Variants in COL13A1 observed in about 807,000 individuals in gnomAD.
The protein encoded by COL13A1 is collagen type XIII alpha 1 chain.
COL13A1 carries 89 observed loss-of-function variants against 130.9 expected under a neutral mutation model. The ratio of observed to expected loss-of-function variants is 0.68; its 90% CI spans 0.57 to 0.81. The LOEUF (loss-of-function observed/expected upper bound fraction) is 0.81. Ranked by LOEUF, COL13A1 falls within the 30% of genes least tolerant of loss-of-function variation. The pLI is 0.00. For missense variants in COL13A1, 879 were observed against 934.6 expected, an observed-to-expected ratio of 0.94 and a Z score of 0.78; for synonymous variants, 402 against 341.6, an observed-to-expected ratio of 1.18 and a Z score of -1.95.
chr10:69,822,760 C>T (rs1846429826), intron 2 of COL13A1, among the ~76,000 whole-genome samples: 1 of 152,206 alleles, frequency 6.6e-6, no homozygotes, highest in East Asian at 1.9e-4. Context: ...GTCAAAGGGA[C>T]CATCAGCCCC....
intron 17 of COL13A1, among the ~76,000 whole-genome samples, chr10:69,906,919 T>C (rs1363749000): frequency 6.6e-6 from 1 of 151,936 alleles, no homozygotes; most frequent in Admixed American, 6.6e-5. Context: ...TTAGTAGAGA[T>C]GGGGTTTCAC....
At chr10:69,915,421 G>T (rs988439757) in intron 17 of COL13A1, among the ~76,000 whole-genome samples, 1 of 152,218 alleles carries the variant, frequency 6.6e-6, no homozygotes, top group African/African-American at 2.4e-5. Context: ...CTGAGAGAGG[G>T]CTCTGGCATT....
rs534884510 is a variant in COL13A1 at position 69,926,498 on chromosome 10, C to T, written c.1399-589C>T. ...AACCAAACTATGTCTCCAGACATGA[C>T]CAGTTATCCCTTGGGGGAAGAAATT... On this transcript the variant is annotated intron_variant, in intron 26 of 40. Coordinates refer to ENST00000645393, the MANE Select transcript of COL13A1 (RefSeq NM_001368882.1). Among the ~76,000 whole-genome samples the T allele has an allele frequency of 4.6e-5, 7 of 151,992 alleles. No homozygotes were observed. The East Asian group carries it at 5.8e-4, about 13-fold the overall frequency.
chr10:69,811,666 G>A (rs1236217875), intron 1 of COL13A1, among the ~76,000 whole-genome samples: 2 of 152,104 alleles, frequency 1.3e-5, no homozygotes, highest in African/African-American at 4.8e-5. Context: ...ATTTCCTACA[G>A]CAGCCTTGGT....
chr10:69,858,116 A>AAAAAAC (rs1856977800), intron 2 of COL13A1, among the ~76,000 whole-genome samples: 1 of 17,702 alleles, frequency 5.6e-5, no homozygotes, highest in Non-Finnish European at 2.5e-4. Flanking sequence ...ACTCCGTCTC[A>AAAAAAC]AAAAAAAAAA....
chr10:69,862,919 CA>C (rs1337752495), intron 2 of COL13A1, among the ~76,000 whole-genome samples: 1 of 152,312 alleles, frequency 6.6e-6, no homozygotes, highest in East Asian at 1.9e-4. Flanking sequence ...AGATGAATAA[CA>C]GACAAATTAC....
intron 2 of COL13A1, among the ~76,000 whole-genome samples, chr10:69,864,006 C>T (rs1048139340): frequency 6.6e-6 from 1 of 151,902 alleles, no homozygotes; most frequent in Non-Finnish European, 1.5e-5. Context: ...GAGGCTGAGG[C>T]TGTAGTGAGC....
chr10:69,918,189 T>C lies in COL13A1; in HGVS notation c.967-96T>C, dbSNP rs142777509. Reference sequence around the variant, plus strand: ...TGGGAGGAGTGAGCGGTCCTCCTTCTCATCACACCATGGGGAGGCTGTCCA... The same window carrying C: ...TGGGAGGAGTGAGCGGTCCTCCTTCCCATCACACCATGGGGAGGCTGTCCA... On this transcript the variant is annotated intron_variant, in intron 18 of 40. Coordinates refer to ENST00000645393, the MANE Select transcript of COL13A1 (RefSeq NM_001368882.1). 1,152 of 1,121,704 alleles carry C rather than the reference T, an allele frequency of 1.0e-3. 6 individuals are homozygous for C. In the African/African-American group the frequency reaches 0.016, roughly 15 times the overall value. The allele number at this position is 1,121,704 out of a possible 1,614,324, so 69.5% of individuals were successfully genotyped here.
chr10:69,848,798 G>T (rs1172076944), intron 2 of COL13A1, among the ~76,000 whole-genome samples: 1 of 152,178 alleles, frequency 6.6e-6, no homozygotes, highest in Non-Finnish European at 1.5e-5. Flanking sequence ...TGGTGCCAAG[G>T]GGGTCACTTA....
At chr10:69,924,537 G>T (rs565021847) in intron 24 of COL13A1, among the ~76,000 whole-genome samples, 1 of 151,354 alleles carries the variant, frequency 6.6e-6, no homozygotes, top group Admixed American at 6.6e-5. Flanking sequence ...AGTAGAGTAG[G>T]CAGCAAAAGA....
chr10:69,945,769 C>A (rs2068416896), intron 37 of COL13A1, 45 bp downstream of exon 37: 1 of 1,588,610 alleles, frequency 6.3e-7, no homozygotes. Flanking sequence ...CACCCCTGCC[C>A]CCATTAGAAA....
intron 2 of COL13A1, among the ~76,000 whole-genome samples, chr10:69,832,983 T>C (rs1404362545): frequency 6.6e-6 from 1 of 152,192 alleles, no homozygotes; most frequent in Non-Finnish European, 1.5e-5. Context: ...CCAGGGACAG[T>C]CAGTAGGAGA....
chr10:69,894,941 C>G (rs769060695), intron 12 of COL13A1, among the ~76,000 whole-genome samples: 1 of 152,142 alleles, frequency 6.6e-6, no homozygotes, highest in Non-Finnish European at 1.5e-5. Context: ...CCTCCTGGAG[C>G]CTGGCCCTCT....
intron 14 of COL13A1, 67 bp from the exon 15 acceptor site, chr10:69,902,681 C>A: frequency 1.5e-6 from 2 of 1,364,600 alleles, no homozygotes; most frequent in Non-Finnish European, 2.0e-6. Context: ...GGTGCATGGC[C>A]TGAGGGTGGG....
intron 18 of COL13A1, among the ~76,000 whole-genome samples, chr10:69,917,922 C>T (rs1046068187): frequency 2.0e-5 from 3 of 152,020 alleles, no homozygotes; most frequent in Admixed American, 1.3e-4. Flanking sequence ...ATCTCCTCCT[C>T]CTCCTCCTCC....
chr10:69,918,913 T>TG, intron 19 of COL13A1, 149 bp from the exon 20 acceptor site: 1 of 875,016 alleles, frequency 1.1e-6, no homozygotes, highest in South Asian at 1.5e-5. Context: ...GCCTGGGACC[T>TG]GATGCCTGAA....
chr10:69,944,704 G>C (rs2068209888), intron 36 of COL13A1, among the ~76,000 whole-genome samples: 1 of 149,118 alleles, frequency 6.7e-6, no homozygotes, highest in Non-Finnish European at 1.5e-5. Context: ...GAAAGAAAAA[G>C]AAAAAGAAAA....
At chr10:69,897,146 AG>A (rs2061726366) in intron 13 of COL13A1, among the ~76,000 whole-genome samples, 1 of 151,924 alleles carries the variant, frequency 6.6e-6, no homozygotes, top group Admixed American at 6.6e-5. Context: ...ACCTCATGAC[AG>A]TGGCACTCTG....
intron 7 of COL13A1, among the ~76,000 whole-genome samples, chr10:69,882,031 G>A (rs376889493): frequency 2.0e-5 from 3 of 152,290 alleles, no homozygotes; most frequent in Non-Finnish European, 2.9e-5. Flanking sequence ...TGGCTGCCCC[G>A]ATGGGCTTCA....
Sources: allele counts gnomAD v4.1 joint callset (sites outside exome capture counted in the v4.1 genomes callset), GRCh38; gene constraint gnomAD v4.1.1; transcripts MANE v1.5; gene names NCBI Gene and HGNC (gene_info 2026-07-23, HGNC 2026-07-21).